SLC29A1: variants seen among roughly 807,000 people sequenced by gnomAD.
SLC29A1 encodes solute carrier family 29 member 1 (Augustine blood group).
In SLC29A1, 22 loss-of-function variants were observed where a neutral mutation model predicts 48.3. That is an observed-to-expected ratio of 0.46 (90% CI 0.33 to 0.65). SLC29A1 has a LOEUF of 0.65. Ranked by LOEUF, SLC29A1 falls within the 30% of genes least tolerant of loss-of-function variation. The pLI, the probability that SLC29A1 is intolerant of heterozygous loss-of-function variation, is 0.03. For missense variants in SLC29A1, 491 were observed against 575.3 expected (o/e 0.85, Z 1.50); for synonymous variants, 228 against 231.0 (o/e 0.99, Z 0.12).
chr6:44,231,592 C>A, intron 9 of SLC29A1, 131 bp downstream of exon 9: 1 of 665,010 alleles, frequency 1.5e-6, no homozygotes, highest in Non-Finnish European at 2.7e-6. Context: ...TTTGTGTGTG[C>A]GTGCGTGCCC....
chr6:44,230,534 T>C, intron 6 of SLC29A1, 34 bp from the exon 7 acceptor site: 1 of 1,614,004 alleles, frequency 6.2e-7, no homozygotes, highest in South Asian at 1.1e-5. Flanking sequence ...GGAGAGGGGA[T>C]GGGGCCTGTC....
chr6:44,220,586 G>C (rs1380999494), upstream of SLC29A1, among the ~76,000 whole-genome samples: 1 of 151,166 alleles, frequency 6.6e-6, no homozygotes. Context: ...AGGCCAAGGC[G>C]GGCGGATCAC....
Position 44,225,154 on chromosome 6 carries a change from G to A in SLC29A1, c.-52+1513G>A, listed in dbSNP as rs79449967. ...GAATCTTGCCTGTGGGGTGGAGTACGGGGTATGCGGGTATGAAGTAAGAAC... is the reference window on the plus strand; with the variant it reads ...GAATCTTGCCTGTGGGGTGGAGTACAGGGTATGCGGGTATGAAGTAAGAAC... On this transcript the variant is annotated intron_variant, in intron 1 of 12. Coordinates refer to ENST00000371755, the MANE Select transcript of SLC29A1 (RefSeq NM_001372327.1). Among the ~76,000 whole-genome samples the A allele has an allele frequency of 3.2e-3, 491 of 152,206 alleles. 3 individuals carry two copies. Among genetic ancestry groups the A allele is most frequent in the Middle Eastern group, 6.8e-3 (2 of 294 alleles).
At chr6:44,230,319 C>G (rs1778544770) in intron 5 of SLC29A1, 28 bp from the exon 6 acceptor site, 2 of 1,600,078 alleles carry the variant, frequency 1.2e-6, no homozygotes, top group Non-Finnish European at 1.7e-6. Flanking sequence ...CCCTAGCTCC[C>G]CTGCTCATGC....
At chr6:44,227,456 CTA>C in intron 2 of SLC29A1, 114 bp downstream of exon 2, 1 of 911,898 alleles carries the variant, frequency 1.1e-6, no homozygotes, top group Non-Finnish European at 1.7e-6. Context: ...AGCCAGGTAG[CTA>C]TGAGTCAGGT....
At position 44,229,461 on chromosome 6, in the gene SLC29A1, C is replaced by T. The variant is rs753348439; in HGVS notation, c.101C>T (p.Thr34Met). 53 of 1,613,860 alleles carry T rather than the reference C, an allele frequency of 3.3e-5. No homozygotes were observed. Among genetic ancestry groups the T allele is most frequent in the Non-Finnish European group, 3.9e-5 (46 of 1,179,854 alleles). The change falls in exon 3 of 13, where the codon ACG becomes ATG. Residue 34 changes from threonine (T) to methionine (M), a missense_variant. Physicochemically the swap from Thr to Met is moderately conservative, Grantham distance 81 (BLOSUM62 -1). Transcript: ENST00000371755. This position sits in a 1 kb window ranked among gnomAD's most constrained non-coding sequence, Gnocchi z 5.1. ...GTLLPWNFFM[T>M]ATQYFTNRLD... ...CTGCTCCCGTGGAATTTTTTCATGACGGCCACTCAGGTGAGGCTGGAGGGA... is the reference window on the plus strand; with the variant it reads ...CTGCTCCCGTGGAATTTTTTCATGATGGCCACTCAGGTGAGGCTGGAGGGA...
chr6:44,222,533 G>A (rs546527493), upstream of SLC29A1, among the ~76,000 whole-genome samples: 11 of 152,240 alleles, frequency 7.2e-5, no homozygotes, highest in East Asian at 1.9e-3. Context: ...GCATGGGGTG[G>A]GCAGCGTGGG....
rs1778343793 is a variant in SLC29A1, at chr6:44,229,496, A to T, written c.111+25A>T. 3 of 1,610,700 alleles carry T rather than the reference A, an allele frequency of 1.9e-6. No individual in the cohort carries two copies. The South Asian group carries it at 3.3e-5, about 18-fold the overall frequency. Reference sequence around the variant, plus strand: ...GGTGAGGCTGGAGGGACTGGGCTCCATGGGGCAGTGCCCACTGTGCTTGCA... The same window carrying T: ...GGTGAGGCTGGAGGGACTGGGCTCCTTGGGGCAGTGCCCACTGTGCTTGCA... On this transcript the variant is annotated intron_variant, in intron 3 of 12. Transcript: ENST00000371755. The surrounding 1 kb of genome is among the most constrained non-coding windows in gnomAD (Gnocchi z 5.1).
At position 44,232,364 on chromosome 6, in the gene SLC29A1, C is replaced by T. The variant is rs1440830776; in HGVS notation, c.995C>T (p.Ser332Phe). The T allele has an allele frequency of 4.3e-6, 7 of 1,613,266 alleles. No homozygotes were observed. Among genetic ancestry groups the T allele is most frequent in the Non-Finnish European group, 5.1e-6 (6 of 1,179,354 alleles). The change falls in exon 11 of 13, where the codon TCC (serine) becomes TTC (phenylalanine). Residue 332 changes from serine (S) to phenylalanine (F), a missense_variant. Transcript: ENST00000371755. The surrounding 1 kb of genome is among the most constrained non-coding windows in gnomAD (Gnocchi z 4.7). ...STWERYFIPV[S>F]CFLTFNIFDW... ...CCAGAACGTTACTTCATTCCTGTGT[C>T]CTGTTTCTTGACTTTCAATATCTTT...
At position 44,230,683 on chromosome 6, in the gene SLC29A1, G is replaced by A; in HGVS notation, c.687+18G>A. 3.2e-6 allele frequency: 5 copies of A among 1,578,352 alleles called. No individual in the cohort carries two copies. The highest frequency in any genetic ancestry group is 4.4e-6 in the Non-Finnish European group (5 of 1,148,228). The stretch of plus-strand genomic sequence containing the variant: ...CCCGCCTGGTGAGTAAATGGAGGGA[G>A]CTGGGGTTTGGGGTATAGGGGTCTG... On this transcript the variant is annotated intron_variant, in intron 7 of 12. Transcript: ENST00000371755.
chr6:44,232,203 T>C lies in SLC29A1; in HGVS notation c.973+97T>C. 8.6e-7 allele frequency: 1 copy of C among 1,167,094 alleles called. No individual in the cohort carries two copies. The allele number at this position is 1,167,094 out of a possible 1,614,324, so 72.3% of individuals were successfully genotyped here. A position where few individuals can be genotyped will look rare whatever the true frequency, so the allele number is the denominator to read the frequency against. On this transcript the variant is annotated intron_variant, in intron 10 of 12. Transcript: ENST00000371755. This position sits in a 1 kb window ranked among gnomAD's most constrained non-coding sequence, Gnocchi z 4.7. Reference sequence around the variant, plus strand: ...GGAGCCTGGGTCACCTTCTCCCCGTTTCCTGGGTCCATTTGCCCTTCCCTG... The same window carrying C: ...GGAGCCTGGGTCACCTTCTCCCCGTCTCCTGGGTCCATTTGCCCTTCCCTG...
At chr6:44,227,394 C>T (rs770620702) in intron 2 of SLC29A1, 52 bp downstream of exon 2, 2 of 1,506,538 alleles carry the variant, frequency 1.3e-6, no homozygotes, top group Middle Eastern at 1.7e-4. Flanking sequence ...TTTCAGGGAG[C>T]TGGGTGTGGT....
intron 1 of SLC29A1, among the ~76,000 whole-genome samples, chr6:44,224,178 A>C (rs1314867987): frequency 6.6e-6 from 1 of 152,020 alleles, no homozygotes; most frequent in Non-Finnish European, 1.5e-5. Context: ...GAGAGGGTGA[A>C]GACAAACAGT....
In SLC29A1 at chr6:44,229,711, C is replaced by T; in HGVS notation, c.234C>T (p.Ala78=). Residue 78 remains alanine, a synonymous_variant, in exon 4 of 13, where the codon GCC becomes GCT. Transcript: ENST00000371755. The surrounding 1 kb of genome is among the most constrained non-coding windows in gnomAD (Gnocchi z 5.1). ...APLPERNSLS[A]IFNNVMTLCA... ...TGCCTGAGCGGAACTCTCTCAGTGC[C>T]ATCTTCAACAATGTCATGACCCTAT... The T allele has an allele frequency of 1.2e-6, 2 of 1,614,032 alleles. No individual in the cohort carries two copies. Among genetic ancestry groups the T allele is most frequent in the South Asian group, 1.1e-5 (1 of 91,082 alleles).
chr6:44,226,801 TTCC>T (rs1352656182), intron 1 of SLC29A1: 1 of 1,010,976 alleles, frequency 9.9e-7, no homozygotes, highest in Non-Finnish European at 1.2e-6. Flanking sequence ...TTCCGTGTCC[TTCC>T]TCCTCCTCCC....
chr6:44,233,350 C>T (rs1331788107), intron 12 of SLC29A1, 67 bp from the exon 13 acceptor site: 2 of 1,344,914 alleles, frequency 1.5e-6, no homozygotes, highest in Non-Finnish European at 2.1e-6. Context: ...ACCCCTCCTT[C>T]CACCCAGAGG....
intron 1 of SLC29A1, chr6:44,224,073 T>C: frequency 2.9e-6 from 1 of 350,452 alleles, no homozygotes; most frequent in Non-Finnish European, 4.0e-6. Flanking sequence ...TGCGGGGCTG[T>C]CTCTTTAACC....
upstream of SLC29A1, among the ~76,000 whole-genome samples, chr6:44,220,632 G>A (rs1178378366): frequency 2.0e-5 from 3 of 148,310 alleles, no homozygotes; most frequent in African/African-American, 7.4e-5. Context: ...GACCAACGTG[G>A]TGAAACCCCG....
Position 44,223,685 on chromosome 6 carries a change from C to A in SLC29A1, c.-52+44C>A. On this transcript the variant is annotated intron_variant, in intron 1 of 12. Transcript: ENST00000371755. This position sits in a 1 kb window ranked among gnomAD's most constrained non-coding sequence, Gnocchi z 5.0. ...GACTGGGGACTGGGGACTGCCGGGG[C>A]GGAAGACGCCGCTGCCCGCCTGCCA... 1 of 1,130,164 alleles carries A rather than the reference C, an allele frequency of 8.8e-7. No homozygotes were observed. The allele number at this position is 1,130,164 out of a possible 1,614,324, so 70.0% of individuals were successfully genotyped here.
Sources: allele counts gnomAD v4.1 joint callset (sites outside exome capture counted in the v4.1 genomes callset), GRCh38; gene constraint gnomAD v4.1.1; non-coding constraint Gnocchi (gnomAD v3.1); transcripts MANE v1.5; gene names NCBI Gene and HGNC (gene_info 2026-07-23, HGNC 2026-07-21).